The following GOLPH3 variants were observed in gnomAD, a reference collection of about 807,000 sequenced individuals.
The protein encoded by GOLPH3 is coat protein GPP34.
GOLPH3 carries 14 observed loss-of-function variants against 28.5 expected under a neutral mutation model. The ratio of observed to expected loss-of-function variants is 0.49; its 90% confidence interval spans 0.32 to 0.77. The LOEUF (loss-of-function observed/expected upper bound fraction) is 0.77, where lower values mean the gene tolerates loss of function less well. Ranked by LOEUF, GOLPH3 falls within the 30% of genes least tolerant of loss-of-function variation. GOLPH3 has a pLI of 0.03. For missense variants in GOLPH3, 350 were observed against 393.7 expected, an observed-to-expected ratio of 0.89 and a Z score of 0.94; for synonymous variants, 158 against 159.2, an observed-to-expected ratio of 0.99 and a Z score of 0.06.
intron 1 of GOLPH3, among the ~76,000 whole-genome samples, chr5:32,147,077 T>C (rs1261346110): frequency 1.3e-5 from 2 of 152,174 alleles, no homozygotes; most frequent in African/African-American, 2.4e-5. Context: ...ATGTATATCA[T>C]AGGTTTGTAT....
intron 1 of GOLPH3, among the ~76,000 whole-genome samples, chr5:32,162,230 C>T (rs1351565398): frequency 1.3e-5 from 2 of 150,930 alleles, no homozygotes; most frequent in East Asian, 3.9e-4. Context: ...TGGTGGCTCA[C>T]GCCTGTAATC....
rs757577647 is a variant in GOLPH3, at chr5:32,126,407, C to T, written c.702G>A (p.Arg234=). The T allele has an allele frequency of 8.7e-6, 14 of 1,614,176 alleles. 1 individual carries two copies. Among genetic ancestry groups the T allele is most frequent in the Admixed American group, 1.7e-5 (1 of 60,014 alleles). Residue 234 remains arginine (R), a synonymous_variant, in exon 4 of 4, where the codon AGG becomes AGA. Coordinates refer to ENST00000265070, the MANE Select transcript of GOLPH3 (RefSeq NM_022130.4). Reference sequence around the variant, plus strand: ...CCAGGTAAATGAGGGCCAGCAAGCGCCTGTCCATGCGGTGAGGGTCATTCA... The same window carrying T: ...CCAGGTAAATGAGGGCCAGCAAGCGTCTGTCCATGCGGTGAGGGTCATTCA... ...KWVNDPHRMD[R]RLLALIYLAH...
At chr5:32,127,280 T>C (rs2111831644) in intron 3 of GOLPH3, among the ~76,000 whole-genome samples, 1 of 152,368 alleles carries the variant, frequency 6.6e-6, no homozygotes, top group East Asian at 1.9e-4. Flanking sequence ...CACCAAAATA[T>C]TAATCTTACT....
chr5:32,174,086 G>T lies in GOLPH3; in HGVS notation c.-52C>A. The T allele has an allele frequency of 8.4e-7, 1 of 1,187,670 alleles. No homozygotes were observed. Among genetic ancestry groups the T allele is most frequent in the Non-Finnish European group, 1.1e-6 (1 of 946,270 alleles). The allele number at this position is 1,187,670 out of a possible 1,614,324, so 73.6% of individuals were successfully genotyped here. A position where few individuals can be genotyped will look rare whatever the true frequency, so the allele number is the denominator to read the frequency against. ...CCGAGAGGGTCGCAGGACCGACCGG[G>T]TCGCCCTCCTCCTCCCCGCGCGGCC... On this transcript the variant is annotated 5_prime_UTR_variant, in exon 1 of 4. Transcript: ENST00000265070.
intron 1 of GOLPH3, among the ~76,000 whole-genome samples, chr5:32,158,946 T>C (rs1199939911): frequency 6.6e-6 from 1 of 152,240 alleles, no homozygotes; most frequent in African/African-American, 2.4e-5. Context: ...GTGTACATTC[T>C]TTCTAATTCT....
intron 1 of GOLPH3, among the ~76,000 whole-genome samples, chr5:32,170,061 A>T (rs1402301722): frequency 1.3e-5 from 2 of 152,190 alleles, no homozygotes; most frequent in African/African-American, 4.8e-5. Flanking sequence ...CTGTTCAGCA[A>T]AAAAGAGAGG....
At chr5:32,163,403 C>A (rs1746636789) in intron 1 of GOLPH3, among the ~76,000 whole-genome samples, 1 of 152,194 alleles carries the variant, frequency 6.6e-6, no homozygotes, top group African/African-American at 2.4e-5. Context: ...TGGCCGGGGG[C>A]ACAGCGGCTC....
chr5:32,168,161 ACT>A (rs1746755458), intron 1 of GOLPH3, among the ~76,000 whole-genome samples: 1 of 152,186 alleles, frequency 6.6e-6, no homozygotes, highest in African/African-American at 2.4e-5. Flanking sequence ...AATTACTAAA[ACT>A]CAGCACATCT....
At chr5:32,167,696 A>C (rs1395799909) in intron 1 of GOLPH3, among the ~76,000 whole-genome samples, 1 of 147,630 alleles carries the variant, frequency 6.8e-6, no homozygotes, top group Non-Finnish European at 1.5e-5. Flanking sequence ...CACACCTGTA[A>C]TCCCAGAACT....
chr5:32,156,470 T>G (rs1427348739), intron 1 of GOLPH3, among the ~76,000 whole-genome samples: 2 of 151,516 alleles, frequency 1.3e-5, no homozygotes, highest in East Asian at 3.9e-4. Context: ...GCCACTGCAC[T>G]CCAGCCTGGG....
chr5:32,145,632 G>A (rs773724595), intron 1 of GOLPH3, among the ~76,000 whole-genome samples: 5 of 152,178 alleles, frequency 3.3e-5, no homozygotes, highest in Non-Finnish European at 7.4e-5. Context: ...AACTCCAGCT[G>A]AACAGTACCT....
At chr5:32,162,925 A>G (rs140724987) in intron 1 of GOLPH3, among the ~76,000 whole-genome samples, 22 of 152,230 alleles carry the variant, frequency 1.4e-4, no homozygotes, top group African/African-American at 5.3e-4. Flanking sequence ...AAAAATACAA[A>G]AAATTAGCCG....
At chr5:32,142,638 G>A (rs1246539056) in intron 2 of GOLPH3, among the ~76,000 whole-genome samples, 4 of 145,308 alleles carry the variant, frequency 2.8e-5, no homozygotes, top group Admixed American at 1.4e-4. Context: ...CGCCCCGTCC[G>A]GGAGGGAGGT....
chr5:32,142,888 C>T (rs1746109466), intron 2 of GOLPH3, among the ~76,000 whole-genome samples: 1 of 151,314 alleles, frequency 6.6e-6, no homozygotes, highest in South Asian at 2.1e-4. Context: ...CGCCTCTGCC[C>T]GGCCGCGCCT....
intron 1 of GOLPH3, among the ~76,000 whole-genome samples, chr5:32,162,527 AC>A (rs1159695770): frequency 2.0e-5 from 3 of 152,132 alleles, no homozygotes; most frequent in Admixed American, 6.5e-5. Context: ...AAAAAAATAC[AC>A]GCATAGATGA....
At chr5:32,133,237 G>A (rs2111840120) in intron 3 of GOLPH3, among the ~76,000 whole-genome samples, 2 of 152,276 alleles carry the variant, frequency 1.3e-5, no homozygotes, top group African/African-American at 4.8e-5. Context: ...TGAGAACCAA[G>A]TTCAGTTAGC....
In GOLPH3 at chr5:32,168,802, T is replaced by C. The variant is rs140799841; in HGVS notation, c.225+5008A>G. 5.0e-3 allele frequency among the ~76,000 whole-genome samples: 760 copies of C among 152,224 alleles called. 6 individuals carry two copies. Among genetic ancestry groups the C allele is most frequent in the South Asian group, 0.016 (76 of 4,820 alleles). ...GCATGACAAAACAGCAGGGGAATAA[T>C]ATGCTTCAAGAGTGCATCCTAGAGC... On this transcript the variant is annotated intron_variant, in intron 1 of 3. Coordinates refer to ENST00000265070, the MANE Select transcript of GOLPH3 (RefSeq NM_022130.4).
In GOLPH3 at chr5:32,174,061, C is replaced by G. The variant is rs1277663249; in HGVS notation, c.-27G>C. ...GCTCCCGCCGAGGCGCCGAGCCGGG[C>G]CGAGAGGGTCGCAGGACCGACCGGG... On this transcript the variant is annotated 5_prime_UTR_variant, in exon 1 of 4. Coordinates refer to ENST00000265070, the MANE Select transcript of GOLPH3 (RefSeq NM_022130.4). The G allele has an allele frequency of 3.9e-6, 5 of 1,270,366 alleles. No homozygotes were observed. The African/African-American group carries it at 7.8e-5, about 20-fold the overall frequency. 78.7% of individuals were successfully genotyped at this position (1,270,366 alleles called of 1,614,324 possible).
chr5:32,142,705 A>G (rs1429545302), intron 2 of GOLPH3, among the ~76,000 whole-genome samples: 29 of 95,510 alleles, frequency 3.0e-4, no homozygotes, highest in African/African-American at 9.3e-4. Context: ...AGGTGGGGGG[A>G]TCAGCCCCCC....
Sources: gnomAD v4.1 joint callset for allele counts (sites outside exome capture counted in the v4.1 genomes callset) on GRCh38, gnomAD v4.1.1 for gene constraint, MANE v1.5 for transcripts, NCBI Gene and HGNC (gene_info 2026-07-23, HGNC 2026-07-21) for gene names.